Variants in ZNF277 observed in about 807,000 individuals in gnomAD.
The protein encoded by ZNF277 is nuclear receptor-interacting factor 4.
A neutral mutation model predicts 60.7 loss-of-function variants in ZNF277; 55 were observed. The observed-to-expected ratio is 0.91, with a 90% CI of 0.73 to 1.13. ZNF277 has a LOEUF of 1.13. Among genes scored for constraint, ZNF277 ranks in the 50% most tolerant of loss-of-function variants. The pLI, the probability that ZNF277 is intolerant of heterozygous loss-of-function variation, is 0.00. For missense variants in ZNF277, 510 were observed against 523.0 expected (o/e 0.98, Z 0.24); for synonymous variants, 178 against 179.3 (o/e 0.99, Z 0.06).
intron 1 of ZNF277, among the ~76,000 whole-genome samples, chr7:112,265,327 C>G (rs2117030408): frequency 6.6e-6 from 1 of 152,184 alleles, no homozygotes; most frequent in East Asian, 1.9e-4. Flanking sequence ...ATCATTGTGT[C>G]TCAGGGAATT....
chr7:112,217,985 C>T (rs979777534), intron 1 of ZNF277, among the ~76,000 whole-genome samples: 1 of 152,146 alleles, frequency 6.6e-6, no homozygotes, highest in Non-Finnish European at 1.5e-5. Flanking sequence ...CCTGACCAAT[C>T]AGCTCTTACC....
At chr7:112,310,478 A>AGAGAGAGAGAGAGAGAGAGTGT (rs762824873) in intron 4 of ZNF277, among the ~76,000 whole-genome samples, 171 of 125,562 alleles carry the variant, frequency 1.4e-3, no homozygotes, top group African/African-American at 6.2e-3. Flanking sequence ...AGAGAGAGAG[A>AGAGAGAGAGAGAGAGAGAGTGT]GTGTGTGTGT....
chr7:112,302,148 T>C (rs945827439), intron 4 of ZNF277, among the ~76,000 whole-genome samples: 1 of 152,100 alleles, frequency 6.6e-6, no homozygotes, highest in African/African-American at 2.4e-5. Flanking sequence ...GCTTGAGATA[T>C]CATTCATGAC....
At position 112,223,718 on chromosome 7, in the gene ZNF277, G is replaced by A. The variant is rs79942411; in HGVS notation, c.91+16911G>A. Among the ~76,000 whole-genome samples the A allele has an allele frequency of 5.5e-3, 831 of 152,342 alleles. 4 individuals carry two copies. Among genetic ancestry groups the A allele is most frequent in the African/African-American group, 0.019 (792 of 41,570 alleles). On this transcript the variant is annotated intron_variant, in intron 1 of 11. Transcript: ENST00000361822. ...GGGATGGCTGCAAAATTTTTTGAGAGAAGCAGGGATATAAGCAGAGGACCT... is the reference window on the plus strand; with the variant it reads ...GGGATGGCTGCAAAATTTTTTGAGAAAAGCAGGGATATAAGCAGAGGACCT...
rs150865503 is a variant in ZNF277, at chr7:112,262,088, A to G, written c.92-24785A>G. Among the ~76,000 whole-genome samples the G allele has an allele frequency of 5.2e-3, 795 of 152,012 alleles. 8 individuals are homozygous for G. The highest frequency in any genetic ancestry group is 0.018 in the African/African-American group (733 of 41,470). On this transcript the variant is annotated intron_variant, in intron 1 of 11. Transcript: ENST00000361822. ...GGTGTTCCCTAACTCACTATTTTCTATTTCTCTACAATGAGTTCTTTTCAC... is the reference window on the plus strand; with the variant it reads ...GGTGTTCCCTAACTCACTATTTTCTGTTTCTCTACAATGAGTTCTTTTCAC...
intron 1 of ZNF277, among the ~76,000 whole-genome samples, chr7:112,275,266 A>G (rs1275925581): frequency 2.6e-5 from 4 of 152,156 alleles, no homozygotes; most frequent in Non-Finnish European, 5.9e-5. Context: ...CTTGAATTCT[A>G]CTTAGAGCCC....
intron 1 of ZNF277, among the ~76,000 whole-genome samples, chr7:112,211,811 G>A (rs187082497): frequency 6.6e-6 from 1 of 152,048 alleles, no homozygotes; most frequent in Non-Finnish European, 1.5e-5. Context: ...TTATTTTTTG[G>A]CAACTTTGTC....
At chr7:112,229,364 C>T (rs1822263721) in intron 1 of ZNF277, among the ~76,000 whole-genome samples, 1 of 152,178 alleles carries the variant, frequency 6.6e-6, no homozygotes, top group Admixed American at 6.5e-5. Context: ...AAAGAAGAGT[C>T]AGATGCCATA....
chr7:112,234,056 T>G (rs1198324765), intron 1 of ZNF277, among the ~76,000 whole-genome samples: 1 of 152,150 alleles, frequency 6.6e-6, no homozygotes, highest in Non-Finnish European at 1.5e-5. Flanking sequence ...AAAATCTGCC[T>G]GCTGATTAAA....
intron 2 of ZNF277, among the ~76,000 whole-genome samples, chr7:112,292,168 A>G (rs1792223898): frequency 1.3e-5 from 2 of 152,210 alleles, no homozygotes; most frequent in Admixed American, 6.5e-5. Context: ...TCTGATGGAA[A>G]GTAAGCATGT....
At chr7:112,230,606 C>A (rs190886593) in intron 1 of ZNF277, among the ~76,000 whole-genome samples, 22 of 152,208 alleles carry the variant, frequency 1.4e-4, no homozygotes, top group Non-Finnish European at 2.6e-4. Flanking sequence ...GTAATTAAAC[C>A]TCTTTGTTGA....
chr7:112,260,135 G>A lies in ZNF277; in HGVS notation c.92-26738G>A, dbSNP rs187957465. On this transcript the variant is annotated intron_variant, in intron 1 of 11. Coordinates refer to ENST00000361822, the MANE Select transcript of ZNF277 (RefSeq NM_021994.3). ...TACAAAAATTATCCGGCATGGTGGT[G>A]TGCGCCTGTGGTCCTAGCTACTCAG... Among the ~76,000 whole-genome samples the A allele has an allele frequency of 2.6e-5, 4 of 152,234 alleles. 1 individual carries two copies. The highest frequency in any genetic ancestry group is 2.6e-4 in the Admixed American group (4 of 15,286).
chr7:112,243,390 G>A (rs775553923), intron 1 of ZNF277, among the ~76,000 whole-genome samples: 19 of 150,794 alleles, frequency 1.3e-4, no homozygotes, highest in Non-Finnish European at 2.2e-4. Flanking sequence ...AGAATGAACA[G>A]ACAACCTATG....
chr7:112,224,563 A>G (rs1822126880), intron 1 of ZNF277, among the ~76,000 whole-genome samples: 1 of 152,230 alleles, frequency 6.6e-6, no homozygotes, highest in Admixed American at 6.5e-5. Context: ...ATTCCTGCTG[A>G]AGGCAGGCCA....
chr7:112,277,077 A>ATTTTT (rs59902516), intron 1 of ZNF277, among the ~76,000 whole-genome samples: 2,490 of 104,340 alleles, frequency 0.024, 151 homozygotes, highest in South Asian at 0.07. Flanking sequence ...GAATCTGTTG[A>ATTTTT]TTTTTTTTTT....
chr7:112,206,781 G>T lies in ZNF277; in HGVS notation c.65G>T (p.Ser22Ile). The change falls in exon 1 of 12, where the codon AGC becomes ATC. Residue 22 changes from serine (S) to isoleucine (I), a missense_variant. Ser to Ile is a moderately radical substitution (Grantham distance 142). Transcript: ENST00000361822. ...RMQEDRDGSCSTVGGVGYGDS... is the reference protein window; with the variant it reads ...RMQEDRDGSCITVGGVGYGDS... ...CAGGAAGACCGTGATGGGAGCTGCA[G>T]CACAGTCGGGGGTGTAGGTTATGGG... 6.2e-7 allele frequency: 1 copy of T among 1,613,396 alleles called. No individual in the cohort carries two copies.
chr7:112,259,073 T>C (rs1034559517), intron 1 of ZNF277, among the ~76,000 whole-genome samples: 1 of 152,196 alleles, frequency 6.6e-6, no homozygotes, highest in South Asian at 2.1e-4. Context: ...TTACTGATAT[T>C]AACCATCTGT....
At chr7:112,286,158 TAGGAAGAGGAATAATATAGCC>T (rs991598547) in intron 1 of ZNF277, among the ~76,000 whole-genome samples, 1 of 152,204 alleles carries the variant, frequency 6.6e-6, no homozygotes, top group African/African-American at 2.4e-5. Context: ...TAGAAGATGT[TAGGAAGAGGAATAATATAGCC>T]AGGAAAAATG....
chr7:112,216,169 A>G (rs1308634451), intron 1 of ZNF277, among the ~76,000 whole-genome samples: 1 of 152,236 alleles, frequency 6.6e-6, no homozygotes, highest in Non-Finnish European at 1.5e-5. Flanking sequence ...GCATCCACTC[A>G]CAAAGGTAAG....
Sources: gnomAD v4.1 joint callset for allele counts (sites outside exome capture counted in the v4.1 genomes callset) on GRCh38, gnomAD v4.1.1 for gene constraint, MANE v1.5 for transcripts, NCBI Gene and HGNC (gene_info 2026-07-23, HGNC 2026-07-21) for gene names.